Variants in ME3 observed in about 807,000 individuals in gnomAD.
The protein encoded by ME3 is malic enzyme 3.
ME3 carries 48 observed loss-of-function variants against 68.9 expected under a neutral mutation model. The ratio of observed to expected loss-of-function variants is 0.70; its 90% CI spans 0.55 to 0.89. ME3 has a LOEUF of 0.89. Among genes scored for constraint, ME3 ranks in the 40% least tolerant of loss-of-function variants. The pLI, the probability that ME3 is intolerant of heterozygous loss-of-function variation, is 0.00. For synonymous variants in ME3, 320 were observed against 318.8 expected (o/e 1.00, Z -0.04); for missense variants, 675 against 797.4 (o/e 0.85, Z 1.85).
rs762255841 is a variant in ME3, at chr11:86,457,781, G to T, written c.919+7310C>A. Reference sequence around the variant, plus strand: ...GTTCCTATTCATGGTAAAAGAAAAAGAAGTTTTTTTTTCCAGAGGGAGATT... The same window carrying T: ...GTTCCTATTCATGGTAAAAGAAAAATAAGTTTTTTTTTCCAGAGGGAGATT... On this transcript the variant is annotated intron_variant, in intron 8 of 14. Transcript: ENST00000543262. The T allele has an allele frequency of 1.2e-5, 15 of 1,261,940 alleles. No homozygotes were observed. In the East Asian group the frequency reaches 5.2e-4, roughly 44 times the overall value. 78.2% of individuals were successfully genotyped at this position (1,261,940 alleles called of 1,614,324 possible).
chr11:86,672,293 C>G, intron 1 of ME3, 31 bp downstream of exon 1: 1 of 236,168 alleles, frequency 4.2e-6, no homozygotes, highest in Non-Finnish European at 8.1e-6. Flanking sequence ...CGCGTGGTGG[C>G]TTGCCTCGGT....
intron 2 of ME3, among the ~76,000 whole-genome samples, chr11:86,565,482 G>A (rs555447601): frequency 6.6e-5 from 10 of 152,126 alleles, no homozygotes; most frequent in Non-Finnish European, 1.5e-4. Flanking sequence ...TAACCCAGGT[G>A]TTCATCAACA....
rs114583225 is a variant in ME3, at chr11:86,579,048, A to G, written c.184-19225T>C. On this transcript the variant is annotated intron_variant, in intron 2 of 14. Coordinates refer to ENST00000543262, the Ensembl canonical transcript of ME3. ...TTGGCTCATTAATTCATTCATATTA[A>G]ATGAATTATTCATTTAACAAGTATG... 6.1e-3 allele frequency among the ~76,000 whole-genome samples: 928 copies of G among 152,252 alleles called. 9 individuals are homozygous for G. The highest frequency in any genetic ancestry group is 0.022 in the African/African-American group (898 of 41,542).
chr11:86,461,594 C>T (rs1280810508), intron 8 of ME3, among the ~76,000 whole-genome samples: 1 of 152,188 alleles, frequency 6.6e-6, no homozygotes, highest in Non-Finnish European at 1.5e-5. Flanking sequence ...CTGCACTGGG[C>T]TAAAATAGTT....
chr11:86,587,264 A>C (rs1958794906), intron 2 of ME3, among the ~76,000 whole-genome samples: 1 of 152,192 alleles, frequency 6.6e-6, no homozygotes, highest in African/African-American at 2.4e-5. Flanking sequence ...GCTCTGCAGA[A>C]TCCCAGAGGA....
intron 2 of ME3, among the ~76,000 whole-genome samples, chr11:86,605,028 G>C (rs1026804861): frequency 6.6e-6 from 1 of 152,056 alleles, no homozygotes; most frequent in Admixed American, 6.6e-5. Flanking sequence ...CCTAAGCTCT[G>C]AGCAATCACC....
intron 2 of ME3, among the ~76,000 whole-genome samples, chr11:86,594,812 G>A (rs1407038409): frequency 6.8e-6 from 1 of 146,946 alleles, no homozygotes; most frequent in African/African-American, 2.5e-5. Flanking sequence ...TGGCAAGAGT[G>A]GAAATGCCTC....
chr11:86,597,734 G>A (rs761046178), intron 2 of ME3, among the ~76,000 whole-genome samples: 6 of 152,152 alleles, frequency 3.9e-5, no homozygotes, highest in Non-Finnish European at 5.9e-5. Context: ...ACCACGGCCC[G>A]TGACAGGGCC....
At chr11:86,446,828 A>G in intron 12 of ME3, 2 of 614,776 alleles carry the variant, frequency 3.3e-6, no homozygotes. Context: ...TGTGTTATTT[A>G]GGGTGAACCT....
chr11:86,638,093 G>C (rs959939805), intron 2 of ME3, among the ~76,000 whole-genome samples: 4 of 151,808 alleles, frequency 2.6e-5, no homozygotes, highest in African/African-American at 9.7e-5. Context: ...CCCAGGCCTG[G>C]CTGTGCCTCC....
At chr11:86,524,139 A>C (rs191903654) in intron 4 of ME3, among the ~76,000 whole-genome samples, 17 of 152,144 alleles carry the variant, frequency 1.1e-4, no homozygotes, top group Admixed American at 3.3e-4. Flanking sequence ...ACATGCCTCC[A>C]CTTTATAAAA....
exon 15 of ME3, chr11:86,441,206 A>G (rs1487967950): frequency 4.5e-6 from 6 of 1,345,294 alleles, no homozygotes; most frequent in African/African-American, 3.0e-5. Context: ...CACTTGGGCC[A>G]TTTTGGAACC....
chr11:86,463,997 G>A, intron 8 of ME3: 1 of 348,054 alleles, frequency 2.9e-6, no homozygotes, highest in Non-Finnish European at 5.6e-6. Context: ...TTAGAACAGT[G>A]CCCGACATAC....
downstream of ME3, chr11:86,440,967 A>G (rs984785274): frequency 1.9e-5 from 4 of 210,936 alleles, no homozygotes; most frequent in Non-Finnish European, 3.7e-5. Context: ...CCTCCACTAG[A>G]TCCCGAGCTC....
At chr11:86,481,208 A>ATT (rs71040240) in intron 7 of ME3, among the ~76,000 whole-genome samples, 4 of 105,882 alleles carry the variant, frequency 3.8e-5, no homozygotes, top group African/African-American at 3.9e-5. Flanking sequence ...CACCCAGCTG[A>ATT]TTTTTTTTTT....
At chr11:86,555,652 T>C (rs1956890749) in intron 4 of ME3, among the ~76,000 whole-genome samples, 3 of 152,214 alleles carry the variant, frequency 2.0e-5, no homozygotes, top group Admixed American at 2.0e-4. Context: ...GGGAACACAC[T>C]GTGACCATCT....
intron 2 of ME3, among the ~76,000 whole-genome samples, chr11:86,638,314 A>C (rs966487451): frequency 1.3e-5 from 2 of 152,226 alleles, no homozygotes. Context: ...AGGGCTGTGC[A>C]GTGCAAGAGC....
At chr11:86,641,078 A>G (rs1380185018) in intron 2 of ME3, among the ~76,000 whole-genome samples, 1 of 151,354 alleles carries the variant, frequency 6.6e-6, no homozygotes, top group Non-Finnish European at 1.5e-5. Context: ...GTAGATCTCA[A>G]AAAAATGAAT....
At chr11:86,527,763 T>A (rs1298858907) in intron 4 of ME3, among the ~76,000 whole-genome samples, 4 of 152,188 alleles carry the variant, frequency 2.6e-5, no homozygotes, top group Non-Finnish European at 4.4e-5. Flanking sequence ...ACTAGCTTCA[T>A]AAGTGAAGGA....
Sources: gnomAD v4.1 joint callset for allele counts (sites outside exome capture counted in the v4.1 genomes callset) on GRCh38, gnomAD v4.1.1 for gene constraint, MANE v1.5 for transcripts, NCBI Gene and HGNC (gene_info 2026-07-23, HGNC 2026-07-21) for gene names.